Variants in DIP2B observed in about 807,000 individuals in gnomAD.
The protein encoded by DIP2B is disco-interacting protein 2 homolog B.
Under a neutral mutation model 198.0 loss-of-function variants are expected in DIP2B, and 76 were observed. That is an observed-to-expected ratio of 0.38 (90% CI 0.32 to 0.46). DIP2B has a LOEUF of 0.46. DIP2B is among the 20% of genes least tolerant of loss of function. The probability of loss-of-function intolerance (pLI) is 0.99; values close to 1 mark genes in which losing one functional copy is unlikely to be tolerated. For missense variants in DIP2B, 1,559 were observed against 1,978.4 expected, an observed-to-expected ratio of 0.79 and a Z score of 4.02; for synonymous variants, 701 against 739.1, an observed-to-expected ratio of 0.95 and a Z score of 0.84.
At chr12:50,696,715 C>A (rs961401970) in intron 16 of DIP2B, among the ~76,000 whole-genome samples, 4 of 152,214 alleles carry the variant, frequency 2.6e-5, no homozygotes, top group Non-Finnish European at 5.9e-5. Context: ...TTAAATTGCA[C>A]TGGCTATGAC....
At chr12:50,619,505 C>T (rs1937763734) in intron 1 of DIP2B, among the ~76,000 whole-genome samples, 2 of 152,146 alleles carry the variant, frequency 1.3e-5, no homozygotes, top group Non-Finnish European at 1.5e-5. Context: ...CCTACTCAGG[C>T]CAAGATCGTG....
intron 1 of DIP2B, among the ~76,000 whole-genome samples, chr12:50,519,308 C>T (rs1958094691): frequency 6.6e-6 from 1 of 151,988 alleles, no homozygotes; most frequent in Non-Finnish European, 1.5e-5. Flanking sequence ...ACTGTATTGC[C>T]CAGGTTCGCC....
chr12:50,612,448 G>A (rs1198824779), intron 1 of DIP2B, among the ~76,000 whole-genome samples: 2 of 63,880 alleles, frequency 3.1e-5, no homozygotes, highest in Non-Finnish European at 6.7e-5. Context: ...TTTTTTTTTT[G>A]AGACAGTCTT....
chr12:50,628,112 T>G (rs1180385299), intron 2 of DIP2B, among the ~76,000 whole-genome samples: 1 of 152,220 alleles, frequency 6.6e-6, no homozygotes, highest in African/African-American at 2.4e-5. Flanking sequence ...AGGCTCACGC[T>G]GTAATTCCAG....
At chr12:50,624,291 C>G (rs1191423326) in intron 1 of DIP2B, among the ~76,000 whole-genome samples, 2 of 152,120 alleles carry the variant, frequency 1.3e-5, no homozygotes, top group Non-Finnish European at 2.9e-5. Context: ...TCGACCTCAC[C>G]AAACACACAC....
intron 4 of DIP2B, among the ~76,000 whole-genome samples, chr12:50,667,692 A>G (rs1421468793): frequency 6.6e-6 from 1 of 152,212 alleles, no homozygotes; most frequent in East Asian, 1.9e-4. Context: ...TCTTCTACCA[A>G]CTGTTAGTCA....
At chr12:50,538,844 C>T (rs1349290542) in intron 1 of DIP2B, among the ~76,000 whole-genome samples, 1 of 152,038 alleles carries the variant, frequency 6.6e-6, no homozygotes, top group Non-Finnish European at 1.5e-5. Context: ...TATTTTATTA[C>T]CAAACTGCTT....
intron 7 of DIP2B, among the ~76,000 whole-genome samples, chr12:50,676,016 G>A (rs1938939810): frequency 6.6e-6 from 1 of 152,134 alleles, no homozygotes; most frequent in South Asian, 2.1e-4. Context: ...AGCCAATATA[G>A]GCACTTCTGA....
chr12:50,665,169 C>T (rs189010467), intron 4 of DIP2B, among the ~76,000 whole-genome samples: 23 of 152,162 alleles, frequency 1.5e-4, no homozygotes, highest in Admixed American at 1.2e-3. Context: ...AAATGATACC[C>T]AGCAACAGAT....
intron 7 of DIP2B, among the ~76,000 whole-genome samples, chr12:50,677,879 CAAG>C (rs1938974898): frequency 6.6e-6 from 1 of 151,722 alleles, no homozygotes. Flanking sequence ...CCCCTTTCCT[CAAG>C]AAGCCATCAG....
chr12:50,543,643 C>T (rs115068671), intron 1 of DIP2B, among the ~76,000 whole-genome samples: 299 of 151,810 alleles, frequency 2.0e-3, no homozygotes, highest in African/African-American at 7.0e-3. Context: ...ACATGTTGGG[C>T]CGGTCATGGT....
chr12:50,736,831 G>A (rs753599102), intron 34 of DIP2B, among the ~76,000 whole-genome samples: 12 of 152,272 alleles, frequency 7.9e-5, no homozygotes, highest in East Asian at 1.9e-4. Context: ...TAGACCTTTC[G>A]TCTTCAATGA....
At chr12:50,505,833 T>A (rs2139332540) in intron 1 of DIP2B, among the ~76,000 whole-genome samples, 1 of 152,034 alleles carries the variant, frequency 6.6e-6, no homozygotes, top group East Asian at 1.9e-4. Context: ...CACACGGTGC[T>A]GCTTTTAGAC....
At chr12:50,719,127 G>A (rs896957875) in intron 25 of DIP2B, 92 bp downstream of exon 25, 4 of 1,379,392 alleles carry the variant, frequency 2.9e-6, no homozygotes, top group Admixed American at 2.3e-5. Flanking sequence ...GAAAATTTCT[G>A]TTGCCATCTC....
chr12:50,582,145 G>GTTTT (rs367699036), intron 1 of DIP2B, among the ~76,000 whole-genome samples: 114 of 77,496 alleles, frequency 1.5e-3, no homozygotes, highest in African/African-American at 5.1e-3. Context: ...CTTTTTTTCT[G>GTTTT]TTTTTTTTTT....
intron 1 of DIP2B, among the ~76,000 whole-genome samples, chr12:50,578,766 C>T (rs890114117): frequency 2.0e-5 from 3 of 152,110 alleles, no homozygotes; most frequent in African/African-American, 7.2e-5. Flanking sequence ...CCTCGGCCTC[C>T]CAAAGTGCTG....
At chr12:50,601,331 A>T (rs1565840782) in intron 1 of DIP2B, among the ~76,000 whole-genome samples, 1 of 141,568 alleles carries the variant, frequency 7.1e-6, no homozygotes, top group East Asian at 2.3e-4. Flanking sequence ...ATATATCTAT[A>T]TATTTTTTTG....
rs1939105120 is a variant in DIP2B at position 50,684,734 on chromosome 12, G to A, written c.1318-1099G>A. Among the ~76,000 whole-genome samples the A allele has an allele frequency of 3.9e-5, 6 of 152,128 alleles. No homozygotes were observed. In the South Asian group the frequency reaches 1.2e-3, roughly 31 times the overall value. On this transcript the variant is annotated intron_variant, in intron 10 of 37. Transcript: ENST00000301180. ...TTGAACCCGGGAGGTGGAGTTTGCA[G>A]TGAGTCAAGATTGCGCCACTGTATA... is the stretch of plus-strand genomic sequence containing the variant.
At chr12:50,716,218 A>G (rs572243082) in intron 23 of DIP2B, among the ~76,000 whole-genome samples, 2 of 152,322 alleles carry the variant, frequency 1.3e-5, no homozygotes, top group East Asian at 3.9e-4. Context: ...ATAATTTGTC[A>G]TGAAGTTTCT....
Sources: allele counts gnomAD v4.1 joint callset (sites outside exome capture counted in the v4.1 genomes callset), GRCh38; gene constraint gnomAD v4.1.1; transcripts MANE v1.5; gene names NCBI Gene and HGNC (gene_info 2026-07-23, HGNC 2026-07-21).